DNER: variants seen among roughly 807,000 people sequenced by gnomAD.
DNER encodes delta and Notch-like epidermal growth factor-related receptor.
In DNER, 33 loss-of-function variants were observed where a neutral mutation model predicts 78.2. The observed-to-expected ratio is 0.42, with a 90% CI of 0.32 to 0.56. The LOEUF is 0.56. Among genes scored for constraint, DNER ranks in the 20% least tolerant of loss-of-function variants. The pLI is 0.11. For synonymous variants in DNER, 417 were observed against 384.8 expected (o/e 1.08, Z -0.98); for missense variants, 918 against 975.3 (o/e 0.94, Z 0.78).
chr2:229,479,678 A>G (rs545360002), intron 6 of DNER, among the ~76,000 whole-genome samples: 1 of 149,542 alleles, frequency 6.7e-6, no homozygotes, highest in African/African-American at 2.5e-5. Flanking sequence ...GCGCCACTGC[A>G]CTCCAGCCTG....
chr2:229,641,091 G>A (rs573583574), intron 1 of DNER, among the ~76,000 whole-genome samples: 1 of 152,174 alleles, frequency 6.6e-6, no homozygotes, highest in East Asian at 1.9e-4. Context: ...ACAGATGCAG[G>A]AGGAATAAAT....
chr2:229,404,079 G>A (rs967542749), intron 10 of DNER, among the ~76,000 whole-genome samples: 1 of 152,184 alleles, frequency 6.6e-6, no homozygotes, highest in Non-Finnish European at 1.5e-5. Context: ...AGGAAGGCTT[G>A]TAGTGGTGCA....
chr2:229,678,969 T>C (rs936930137), intron 1 of DNER, among the ~76,000 whole-genome samples: 1 of 152,150 alleles, frequency 6.6e-6, no homozygotes, highest in East Asian at 1.9e-4. Context: ...GCTTCCCCAA[T>C]GCTCCCCACA....
chr2:229,415,766 C>G (rs1693637632), intron 9 of DNER, among the ~76,000 whole-genome samples: 1 of 152,152 alleles, frequency 6.6e-6, no homozygotes, highest in Non-Finnish European at 1.5e-5. Flanking sequence ...CTTTTGCCCT[C>G]AAATATAAAC....
chr2:229,407,441 G>A (rs1559343455), intron 9 of DNER, 96 bp from the exon 10 acceptor site: 11 of 1,061,738 alleles, frequency 1.0e-5, no homozygotes, highest in South Asian at 1.4e-5. Flanking sequence ...AACAATGCGA[G>A]GGAGATTCCC....
intron 5 of DNER, among the ~76,000 whole-genome samples, chr2:229,545,754 G>A (rs1051412854): frequency 2.6e-5 from 4 of 152,178 alleles, no homozygotes; most frequent in Non-Finnish European, 5.9e-5. Context: ...AAGAAAAAGT[G>A]GAACAGGGCT....
At chr2:229,580,803 A>G (rs1697378403) in intron 4 of DNER, among the ~76,000 whole-genome samples, 1 of 152,226 alleles carries the variant, frequency 6.6e-6, no homozygotes, top group African/African-American at 2.4e-5. Flanking sequence ...TCCAGGGAGA[A>G]TAACTGTTAG....
intron 6 of DNER, among the ~76,000 whole-genome samples, chr2:229,482,684 C>A (rs898504597): frequency 6.6e-6 from 1 of 152,118 alleles, no homozygotes; most frequent in African/African-American, 2.4e-5. Context: ...AGAAGTGGGG[C>A]ACAGATTTAA....
intron 8 of DNER, among the ~76,000 whole-genome samples, chr2:229,442,492 G>A (rs1574845195): frequency 6.9e-6 from 1 of 145,662 alleles, no homozygotes; most frequent in Non-Finnish European, 1.5e-5. Context: ...TCCAGCCTGG[G>A]CGACAGAGCA....
intron 4 of DNER, among the ~76,000 whole-genome samples, chr2:229,573,167 C>T (rs557720996): frequency 3.2e-4 from 48 of 152,314 alleles, no homozygotes; most frequent in South Asian, 1.7e-3. Flanking sequence ...AGGAGATTAT[C>T]CATTTGTCTA....
At chr2:229,479,014 T>G (rs115754080) in intron 6 of DNER, among the ~76,000 whole-genome samples, 18,981 of 152,144 alleles carry the variant, frequency 0.12, 1,329 homozygotes, top group South Asian at 0.2. Flanking sequence ...TCCTCCATGT[T>G]TCCATGTATT....
chr2:229,444,576 T>G (rs1201366158), intron 8 of DNER, among the ~76,000 whole-genome samples: 2 of 152,216 alleles, frequency 1.3e-5, no homozygotes, highest in Non-Finnish European at 2.9e-5. Context: ...TTTTAAGTTT[T>G]AGAAATCAAC....
chr2:229,562,321 G>T (rs1016326774), intron 4 of DNER, among the ~76,000 whole-genome samples: 1 of 152,072 alleles, frequency 6.6e-6, no homozygotes, highest in Admixed American at 6.5e-5. Flanking sequence ...CTCTTCCTTT[G>T]TAGTGACAAA....
chr2:229,586,908 A>T, intron 3 of DNER: 1 of 985,474 alleles, frequency 1.0e-6, no homozygotes, highest in Non-Finnish European at 1.2e-6. Flanking sequence ...TTGATCAGTG[A>T]CTAAATTCAT....
At chr2:229,630,168 A>C (rs1326575573) in intron 1 of DNER, among the ~76,000 whole-genome samples, 2 of 152,200 alleles carry the variant, frequency 1.3e-5, no homozygotes, top group African/African-American at 4.8e-5. Context: ...GAAGTGTTAT[A>C]GACTCACAAA....
chr2:229,459,145 A>G (rs1431834428), intron 7 of DNER, among the ~76,000 whole-genome samples: 1 of 152,114 alleles, frequency 6.6e-6, no homozygotes, highest in African/African-American at 2.4e-5. Flanking sequence ...TACCACGTTG[A>G]TGGGTTGGAA....
chr2:229,583,276 G>A (rs1415830101), intron 4 of DNER, among the ~76,000 whole-genome samples: 1 of 152,194 alleles, frequency 6.6e-6, no homozygotes, highest in African/African-American at 2.4e-5. Flanking sequence ...AAAAATGCAT[G>A]TAATGCACCT....
At chr2:229,699,709 T>C (rs981298524) in intron 1 of DNER, among the ~76,000 whole-genome samples, 3 of 152,144 alleles carry the variant, frequency 2.0e-5, no homozygotes, top group African/African-American at 7.2e-5. Flanking sequence ...ACCTTATCAA[T>C]ACAAATCTTG....
At chr2:229,708,513 T>C (rs143302447) in intron 1 of DNER, among the ~76,000 whole-genome samples, 10 of 152,286 alleles carry the variant, frequency 6.6e-5, no homozygotes, top group African/African-American at 2.4e-4. Flanking sequence ...TTCTGTTTGG[T>C]GGGGGCAGGA....
Sources: allele counts gnomAD v4.1 joint callset (sites outside exome capture counted in the v4.1 genomes callset), GRCh38; gene constraint gnomAD v4.1.1; transcripts MANE v1.5; gene names NCBI Gene and HGNC (gene_info 2026-07-23, HGNC 2026-07-21).